The following BBX variants were observed in gnomAD, a reference collection of about 807,000 sequenced individuals.
BBX encodes the protein BBX high mobility group box domain containing.
Under a neutral mutation model 100.2 loss-of-function variants are expected in BBX, and 30 were observed. The observed-to-expected ratio is 0.30, with a 90% confidence interval of 0.22 to 0.41. BBX has a LOEUF of 0.41. Among genes scored for constraint, BBX ranks in the 10% least tolerant of loss-of-function variants. The probability of loss-of-function intolerance (pLI) is 1.00; values close to 1 mark genes in which losing one functional copy is unlikely to be tolerated. For synonymous variants in BBX, 376 were observed against 388.1 expected, an observed-to-expected ratio of 0.97 and a Z score of 0.37; for missense variants, 1,023 against 1,129.8, an observed-to-expected ratio of 0.91 and a Z score of 1.35.
intron 3 of BBX, among the ~76,000 whole-genome samples, chr3:107,658,830 T>A (rs1033561029): frequency 6.6e-6 from 1 of 152,166 alleles, no homozygotes; most frequent in Non-Finnish European, 1.5e-5. Context: ...AACATTTAAA[T>A]AGCTTGTCTG....
intron 7 of BBX, among the ~76,000 whole-genome samples, chr3:107,744,250 TGTG>T (rs2064380364): frequency 6.6e-6 from 1 of 152,136 alleles, no homozygotes; most frequent in African/African-American, 2.4e-5. Context: ...ATTTACATCT[TGTG>T]GTGATCAGTG....
chr3:107,753,938 T>C (rs550267383), intron 9 of BBX, among the ~76,000 whole-genome samples: 1 of 152,224 alleles, frequency 6.6e-6, no homozygotes, highest in Non-Finnish European at 1.5e-5. Flanking sequence ...GTTTATTAAG[T>C]GTTAAAGATA....
intron 2 of BBX, among the ~76,000 whole-genome samples, chr3:107,633,220 T>G (rs1257060405): frequency 6.6e-6 from 1 of 152,104 alleles, no homozygotes; most frequent in African/African-American, 2.4e-5. Context: ...AAATAGATAA[T>G]AATGCTATTT....
At chr3:107,524,541 C>T (rs2047600236) in intron 1 of BBX, 1 of 148,446 alleles carries the variant, frequency 6.7e-6, no homozygotes, top group East Asian at 2.0e-4. Context: ...GTGAAATAGC[C>T]GCGATCATTT....
chr3:107,671,786 G>C (rs1022281521), intron 3 of BBX, among the ~76,000 whole-genome samples: 1 of 152,082 alleles, frequency 6.6e-6, no homozygotes, highest in Non-Finnish European at 1.5e-5. Context: ...AAAGAGTGTT[G>C]ATGAGTCTCT....
chr3:107,781,138 A>G (rs2067840047), intron 13 of BBX, among the ~76,000 whole-genome samples: 1 of 152,002 alleles, frequency 6.6e-6, no homozygotes, highest in Non-Finnish European at 1.5e-5. Flanking sequence ...ATGCATTTAT[A>G]TAGTTGTATA....
At chr3:107,555,263 A>T (rs371114508) in intron 2 of BBX, among the ~76,000 whole-genome samples, 1 of 152,186 alleles carries the variant, frequency 6.6e-6, no homozygotes, top group South Asian at 2.1e-4. Context: ...ATTTGGCTAA[A>T]CAATATAGAA....
In BBX at chr3:107,584,032, TTAATTA is replaced by T. The variant is rs1559839587; in HGVS notation, c.-84+57637_-84+57642del. The stretch of plus-strand genomic sequence containing the variant: ...TATATTATACATATTATTATATATA[TTAATTA>T]TATATATTATATATATTATATATAT... On this transcript the variant is annotated intron_variant, in intron 2 of 17. Transcript: ENST00000325805. Among the ~76,000 whole-genome samples the T allele has an allele frequency of 9.0e-4, 59 of 65,334 alleles. 1 individual carries two copies. The highest frequency in any genetic ancestry group is 3.8e-3 in the African/African-American group (56 of 14,600). 42.9% of individuals were successfully genotyped at this position (65,334 alleles called of 152,430 possible).
chr3:107,577,303 T>C (rs935120230), intron 2 of BBX, among the ~76,000 whole-genome samples: 1 of 152,236 alleles, frequency 6.6e-6, no homozygotes, highest in Non-Finnish European at 1.5e-5. Context: ...ATGGTACTGT[T>C]GGTGTGAGTG....
chr3:107,583,712 C>G (rs1308794729), intron 2 of BBX, among the ~76,000 whole-genome samples: 3 of 150,288 alleles, frequency 2.0e-5, no homozygotes, highest in Non-Finnish European at 4.4e-5. Context: ...CAACTTCAGG[C>G]TTAAGAAATG....
chr3:107,755,821 C>A, intron 10 of BBX, 143 bp downstream of exon 10: 1 of 746,432 alleles, frequency 1.3e-6, no homozygotes, highest in Non-Finnish European at 2.1e-6. Flanking sequence ...GAGGGTTAAC[C>A]TTTAATTTGG....
intron 2 of BBX, among the ~76,000 whole-genome samples, chr3:107,541,074 T>C (rs562438502): frequency 1.3e-5 from 2 of 152,334 alleles, no homozygotes; most frequent in South Asian, 4.1e-4. Flanking sequence ...TTGGCTCTCT[T>C]ATACTTGTTA....
rs145915845 is a variant in BBX, at chr3:107,749,974, G to C, written c.825+1935G>C. On this transcript the variant is annotated intron_variant, in intron 9 of 17. Coordinates refer to ENST00000325805, the MANE Select transcript of BBX (RefSeq NM_001142568.3). Reference sequence around the variant, plus strand: ...GCACCACTATCATCAGATTCATTAGGAGCTCCTGAAGCACTGGGGACAGCT... The same window carrying C: ...GCACCACTATCATCAGATTCATTAGCAGCTCCTGAAGCACTGGGGACAGCT... Among the ~76,000 whole-genome samples the C allele has an allele frequency of 6.2e-3, 944 of 152,186 alleles. 9 individuals carry two copies. The highest frequency in any genetic ancestry group is 0.022 in the African/African-American group (896 of 41,530).
At chr3:107,624,556 C>T (rs559378758) in intron 2 of BBX, among the ~76,000 whole-genome samples, 3 of 152,202 alleles carry the variant, frequency 2.0e-5, no homozygotes, top group South Asian at 4.2e-4. Flanking sequence ...TCATGCAATG[C>T]GGGACTGATT....
At chr3:107,742,573 A>T (rs1241072433) in intron 7 of BBX, among the ~76,000 whole-genome samples, 1 of 152,146 alleles carries the variant, frequency 6.6e-6, no homozygotes. Flanking sequence ...TAGTGATTCT[A>T]TTACTGTTAT....
chr3:107,612,709 A>T (rs1025732412), intron 2 of BBX, among the ~76,000 whole-genome samples: 2 of 152,196 alleles, frequency 1.3e-5, no homozygotes, highest in African/African-American at 4.8e-5. Flanking sequence ...CCAGCACAGC[A>T]CTGGGTCTTG....
intron 3 of BBX, among the ~76,000 whole-genome samples, chr3:107,670,239 C>T (rs23534): frequency 0.29 from 43,713 of 151,752 alleles, 7,730 homozygotes; most frequent in East Asian, 0.92. Context: ...ACATTTTCTA[C>T]CAAATAGTAA....
chr3:107,634,305 A>C (rs1559898667), intron 2 of BBX, among the ~76,000 whole-genome samples: 1 of 152,222 alleles, frequency 6.6e-6, no homozygotes, highest in East Asian at 1.9e-4. Context: ...AGAAACCTAG[A>C]GTTTCCCTCT....
intron 3 of BBX, among the ~76,000 whole-genome samples, chr3:107,683,441 T>C (rs912372351): frequency 1.3e-5 from 2 of 152,126 alleles, no homozygotes; most frequent in Non-Finnish European, 1.5e-5. Flanking sequence ...AAATAGCTAT[T>C]TTGCTAGAGA....
Sources: gnomAD v4.1 joint callset for allele counts (sites outside exome capture counted in the v4.1 genomes callset) on GRCh38, gnomAD v4.1.1 for gene constraint, MANE v1.5 for transcripts, NCBI Gene and HGNC (gene_info 2026-07-23, HGNC 2026-07-21) for gene names.